Variants in USP31 observed in about 807,000 individuals in gnomAD.
USP31 encodes ubiquitin carboxyl-terminal hydrolase 31.
Under a neutral mutation model 119.4 loss-of-function variants are expected in USP31, and 44 were observed. The observed-to-expected ratio is 0.37, with a 90% confidence interval of 0.29 to 0.47. USP31 has a LOEUF of 0.47. Ranked by LOEUF, USP31 falls within the 20% of genes least tolerant of loss-of-function variation. The probability of loss-of-function intolerance (pLI) is 0.99; values close to 1 mark genes in which losing one functional copy is unlikely to be tolerated. For synonymous variants in USP31, 749 were observed against 705.6 expected, an observed-to-expected ratio of 1.06 and a Z score of -0.97; for missense variants, 1,643 against 1,730.2, an observed-to-expected ratio of 0.95 and a Z score of 0.89.
intron 1 of USP31, among the ~76,000 whole-genome samples, chr16:23,141,228 G>C (rs1446795265): frequency 6.6e-6 from 1 of 152,088 alleles, no homozygotes; most frequent in Non-Finnish European, 1.5e-5. Context: ...TCTCCTCCTG[G>C]CTCTCTAGCT....
At chr16:23,071,848 C>T (rs1900360748) in intron 15 of USP31, among the ~76,000 whole-genome samples, 197 bp downstream of exon 15, 1 of 152,006 alleles carries the variant, frequency 6.6e-6, no homozygotes, top group South Asian at 2.1e-4. Flanking sequence ...TACTGGGACA[C>T]AGGAAAAGCA....
At chr16:23,075,326 AT>A (rs1900521604) in intron 13 of USP31, among the ~76,000 whole-genome samples, 1 of 152,178 alleles carries the variant, frequency 6.6e-6, no homozygotes, top group Non-Finnish European at 1.5e-5. Flanking sequence ...TGTGAGGGAC[AT>A]GCCCAAGAGA....
intron 1 of USP31, among the ~76,000 whole-genome samples, chr16:23,144,423 C>G (rs536227887): frequency 1.3e-5 from 2 of 151,734 alleles, no homozygotes; most frequent in East Asian, 3.9e-4. Context: ...CCACCCCAAG[C>G]AGGCGAAGCA....
At chr16:23,069,781 T>C (rs1262877393) in intron 15 of USP31, among the ~76,000 whole-genome samples, 165 bp from the exon 16 acceptor site, 4 of 152,204 alleles carry the variant, frequency 2.6e-5, no homozygotes, top group African/African-American at 9.6e-5. Flanking sequence ...GGCTTTGACT[T>C]TTCTGAGCCC....
intron 1 of USP31, among the ~76,000 whole-genome samples, chr16:23,140,924 C>T (rs1284797443): frequency 2.0e-5 from 3 of 152,230 alleles, no homozygotes; most frequent in Non-Finnish European, 4.4e-5. Flanking sequence ...CCTCCAGACA[C>T]ATCTTAAATC....
At chr16:23,116,702 G>A (rs554557990) in intron 1 of USP31, among the ~76,000 whole-genome samples, 77 of 152,242 alleles carry the variant, frequency 5.1e-4, no homozygotes, top group Non-Finnish European at 6.9e-4. Context: ...GCTTTCATAT[G>A]TACTTCCCCT....
chr16:23,071,982 G>T (rs752283988), intron 15 of USP31, 63 bp downstream of exon 15: 7 of 1,548,194 alleles, frequency 4.5e-6, no homozygotes, highest in Non-Finnish European at 4.4e-6. Context: ...GGAAAAACAC[G>T]AGGGACTCTG....
chr16:23,086,458 C>T (rs996330233), intron 9 of USP31, among the ~76,000 whole-genome samples: 1 of 151,876 alleles, frequency 6.6e-6, no homozygotes, highest in African/African-American at 2.4e-5. Flanking sequence ...CAGATTTAGA[C>T]AGCACAGAGG....
At chr16:23,084,777 G>A (rs747985340) in intron 11 of USP31, 83 bp downstream of exon 11, 14 of 1,563,798 alleles carry the variant, frequency 9.0e-6, no homozygotes, top group Middle Eastern at 2.2e-4. Context: ...CTTCTGGGGC[G>A]TGATTTGTTT....
At chr16:23,132,341 T>C (rs1903055357) in intron 1 of USP31, among the ~76,000 whole-genome samples, 1 of 152,158 alleles carries the variant, frequency 6.6e-6, no homozygotes, top group African/African-American at 2.4e-5. Flanking sequence ...GGTTTTTTTT[T>C]TTTTTTGTGG....
At chr16:23,071,749 A>AG (rs912593396) in intron 15 of USP31, among the ~76,000 whole-genome samples, 1 of 151,296 alleles carries the variant, frequency 6.6e-6, no homozygotes, top group African/African-American at 2.4e-5. Flanking sequence ...CACTTTGGGA[A>AG]AAAAAAAAAA....
intron 15 of USP31, among the ~76,000 whole-genome samples, chr16:23,071,089 G>A (rs771024035): frequency 2.6e-5 from 4 of 152,186 alleles, no homozygotes; most frequent in South Asian, 4.1e-4. Flanking sequence ...GTGAGGAGCC[G>A]GAAGGAGCTT....
rs749351927 is a variant in USP31 at position 23,149,166 on chromosome 16, G to A, written c.105C>T (p.Gly35=). 5.1e-6 allele frequency: 6 copies of A among 1,166,106 alleles called. No homozygotes were observed. The South Asian group carries it at 1.6e-4, about 30-fold the overall frequency. 72.2% of individuals were successfully genotyped at this position (1,166,106 alleles called of 1,614,324 possible). Residue 35 remains glycine (G), a synonymous_variant, in exon 1 of 16, where the codon GGC becomes GGT. Coordinates refer to ENST00000219689, the MANE Select transcript of USP31 (RefSeq NM_020718.4). ...ACGCCCCGGGGCCCCCCGCGCCGCCGCCGCCAGCGCGGCCGCTCCGAAACA... is the reference window on the plus strand; with the variant it reads ...ACGCCCCGGGGCCCCCCGCGCCGCCACCGCCAGCGCGGCCGCTCCGAAACA... ...KRLFRSGRAG[G]GGAGGPGASG... is the part of the protein sequence containing the mutation.
intron 1 of USP31, among the ~76,000 whole-genome samples, chr16:23,114,013 G>A (rs909314376): frequency 8.5e-5 from 13 of 152,224 alleles, no homozygotes; most frequent in African/African-American, 2.6e-4. Context: ...ACTGAGGCAG[G>A]AGAGTTGCTT....
At chr16:23,090,407 AC>A (rs779923405) in intron 7 of USP31, among the ~76,000 whole-genome samples, 4 of 135,962 alleles carry the variant, frequency 2.9e-5, no homozygotes, top group African/African-American at 5.0e-5. Flanking sequence ...AAACAAACAA[AC>A]AACAACAACA....
At chr16:23,070,962 G>A (rs1052629603) in intron 15 of USP31, among the ~76,000 whole-genome samples, 1 of 152,104 alleles carries the variant, frequency 6.6e-6, no homozygotes, top group African/African-American at 2.4e-5. Flanking sequence ...AATAGACTGA[G>A]GCAAACCTTA....
intron 1 of USP31, among the ~76,000 whole-genome samples, chr16:23,137,494 T>C (rs139125022): frequency 3.3e-5 from 5 of 152,116 alleles, no homozygotes; most frequent in African/African-American, 1.2e-4. Context: ...TAATACTGTT[T>C]AATGTTTTAT....
chr16:23,133,411 C>T (rs546434422), intron 1 of USP31, among the ~76,000 whole-genome samples: 255 of 152,198 alleles, frequency 1.7e-3, no homozygotes, highest in Non-Finnish European at 2.9e-3. Flanking sequence ...CACAGAGATT[C>T]GATGTTGAAT....
chr16:23,096,448 A>T (rs1901617557), intron 6 of USP31, among the ~76,000 whole-genome samples: 1 of 152,248 alleles, frequency 6.6e-6, no homozygotes, highest in Non-Finnish European at 1.5e-5. Context: ...CAAAAGGTTA[A>T]CAAGGATATC....
Sources: gnomAD v4.1 joint callset for allele counts (sites outside exome capture counted in the v4.1 genomes callset) on GRCh38, gnomAD v4.1.1 for gene constraint, MANE v1.5 for transcripts, NCBI Gene and HGNC (gene_info 2026-07-23, HGNC 2026-07-21) for gene names.